Variants in MAP4K4 observed in about 807,000 individuals in gnomAD.
MAP4K4 encodes the protein mitogen-activated protein kinase kinase kinase kinase 4.
MAP4K4 carries 38 observed loss-of-function variants against 189.6 expected under a neutral mutation model. The ratio of observed to expected loss-of-function variants is 0.20; its 90% CI spans 0.15 to 0.26. The LOEUF is 0.26. MAP4K4 is among the 10% of genes least tolerant of loss of function. The pLI is 1.00. For synonymous variants in MAP4K4, 610 were observed against 624.3 expected (o/e 0.98, Z 0.34); for missense variants, 1,054 against 1,726.9 (o/e 0.61, Z 6.91).
intron 12 of MAP4K4, among the ~76,000 whole-genome samples, chr2:101,853,702 A>G (rs565421998): frequency 6.6e-6 from 1 of 152,298 alleles, no homozygotes; most frequent in South Asian, 2.1e-4. Context: ...AGGCACATAC[A>G]TTATCGTGTA....
intron 2 of MAP4K4, among the ~76,000 whole-genome samples, chr2:101,746,830 C>T (rs1164198063): frequency 6.6e-6 from 1 of 152,092 alleles, no homozygotes; most frequent in Non-Finnish European, 1.5e-5. Flanking sequence ...CCGCCCCTTC[C>T]CTCAACAAGT....
At chr2:101,854,217 C>T (rs542393838) in intron 12 of MAP4K4, among the ~76,000 whole-genome samples, 2 of 152,198 alleles carry the variant, frequency 1.3e-5, no homozygotes, top group South Asian at 4.1e-4. Flanking sequence ...GTGCAAGAGA[C>T]TTTATAGATT....
At chr2:101,740,159 T>TC in intron 2 of MAP4K4, among the ~76,000 whole-genome samples, 1 of 113,128 alleles carries the variant, frequency 8.8e-6, no homozygotes, top group South Asian at 2.5e-4. Flanking sequence ...ATCTTTTTTT[T>TC]TTTTTTTTTT....
intron 5 of MAP4K4, among the ~76,000 whole-genome samples, chr2:101,828,303 T>G (rs1475560445): frequency 6.6e-6 from 1 of 152,190 alleles, no homozygotes; most frequent in African/African-American, 2.4e-5. Context: ...GAAATAGGAA[T>G]TACGAAGAAT....
At chr2:101,753,024 C>G (rs1445022573) in intron 2 of MAP4K4, among the ~76,000 whole-genome samples, 1 of 152,176 alleles carries the variant, frequency 6.6e-6, no homozygotes, top group East Asian at 1.9e-4. Flanking sequence ...GTAACAATAG[C>G]CAGCATTTAT....
At chr2:101,843,122 C>T (rs2096972352) in intron 11 of MAP4K4, among the ~76,000 whole-genome samples, 1 of 152,174 alleles carries the variant, frequency 6.6e-6, no homozygotes, top group Non-Finnish European at 1.5e-5. Context: ...ATCTCTGGCT[C>T]CCCAAAGTTC....
chr2:101,880,511 AT>A (rs542768415), intron 27 of MAP4K4, among the ~76,000 whole-genome samples: 342 of 137,186 alleles, frequency 2.5e-3, no homozygotes, highest in South Asian at 4.5e-3. Flanking sequence ...GTATAGTTCT[AT>A]TTTTTTTTTT....
chr2:101,741,362 G>T (rs2062745613), intron 2 of MAP4K4, among the ~76,000 whole-genome samples: 1 of 151,852 alleles, frequency 6.6e-6, no homozygotes, highest in Non-Finnish European at 1.5e-5. Flanking sequence ...TAGAGACGGG[G>T]TTTCACCGTG....
intron 20 of MAP4K4, 42 bp from the exon 21 acceptor site, chr2:101,867,987 A>T: frequency 6.2e-7 from 1 of 1,611,860 alleles, no homozygotes; most frequent in Non-Finnish European, 8.5e-7. Flanking sequence ...TTCCTCATCA[A>T]CGATGGCTTC....
chr2:101,708,577 A>AG (rs2043674837), intron 2 of MAP4K4, among the ~76,000 whole-genome samples: 1 of 152,126 alleles, frequency 6.6e-6, no homozygotes, highest in Non-Finnish European at 1.5e-5. Context: ...GAGATAGAGG[A>AG]GTTTGTTCAG....
chr2:101,772,374 T>C (rs768599256), intron 2 of MAP4K4, among the ~76,000 whole-genome samples: 6 of 152,238 alleles, frequency 3.9e-5, no homozygotes, highest in Non-Finnish European at 5.9e-5. Flanking sequence ...TGGTTAACTT[T>C]AGTGAATGTT....
At chr2:101,837,147 C>T (rs1007312252) in intron 9 of MAP4K4, among the ~76,000 whole-genome samples, 1 of 146,438 alleles carries the variant, frequency 6.8e-6, no homozygotes. Context: ...CCAATTGATG[C>T]TGCCTCCTCT....
At chr2:101,785,690 C>CTTTTCCTTTTT (rs1558913395) in intron 2 of MAP4K4, among the ~76,000 whole-genome samples, 5 of 2,072 alleles carry the variant, frequency 2.4e-3, no homozygotes, top group South Asian at 0.021. Flanking sequence ...CTCTCTCTCT[C>CTTTTCCTTTTT]TCTCTCTCTC....
In MAP4K4 at chr2:101,851,724, CTTTTTTTTTTTTTTTTTT is replaced by C. The variant is rs36217584; in HGVS notation, c.1234-4238_1234-4221del. ...TGGAAGAGAAGTTGGTAACTGTCCT[CTTTTTTTTTTTTTTTTTT>C]TTTTTTTTTTTTTTGCCTTAGCTAT... On this transcript the variant is annotated intron_variant, in intron 12 of 32. Transcript: ENST00000324219. Among the ~76,000 whole-genome samples the C allele has an allele frequency of 2.2e-3, 147 of 67,914 alleles. 3 individuals carry two copies. The highest frequency in any genetic ancestry group is 0.011 in the South Asian group (19 of 1,742). 44.6% of individuals were successfully genotyped at this position (67,914 alleles called of 152,430 possible).
chr2:101,848,845 C>A (rs1190679825), intron 12 of MAP4K4, among the ~76,000 whole-genome samples: 1 of 152,156 alleles, frequency 6.6e-6, no homozygotes, highest in African/African-American at 2.4e-5. Flanking sequence ...CCTTGCAACT[C>A]TTTTGGAGTT....
At chr2:101,709,571 A>T (rs1287677674) in intron 2 of MAP4K4, among the ~76,000 whole-genome samples, 1 of 152,198 alleles carries the variant, frequency 6.6e-6, no homozygotes, top group Non-Finnish European at 1.5e-5. Context: ...ATTCACTATC[A>T]GCGAGGTCAC....
chr2:101,890,531 A>G (rs1015658050), intron 32 of MAP4K4, among the ~76,000 whole-genome samples: 2 of 152,106 alleles, frequency 1.3e-5, no homozygotes, highest in Non-Finnish European at 2.9e-5. Context: ...ATCTCGGCTC[A>G]CTGCAACCTG....
intron 7 of MAP4K4, among the ~76,000 whole-genome samples, chr2:101,833,778 A>C (rs2096658839): frequency 6.6e-6 from 1 of 152,196 alleles, no homozygotes; most frequent in Non-Finnish European, 1.5e-5. Flanking sequence ...TCAAATTTTA[A>C]ATTTAGTATT....
At chr2:101,700,017 C>A (rs1441677523) in intron 2 of MAP4K4, among the ~76,000 whole-genome samples, 1 of 152,094 alleles carries the variant, frequency 6.6e-6, no homozygotes, top group Non-Finnish European at 1.5e-5. Context: ...CATTTTTTTT[C>A]TAACCCAGTT....
Sources: allele counts gnomAD v4.1 joint callset (sites outside exome capture counted in the v4.1 genomes callset), GRCh38; gene constraint gnomAD v4.1.1; transcripts MANE v1.5; gene names NCBI Gene and HGNC (gene_info 2026-07-23, HGNC 2026-07-21).